The following SFMBT2 variants were observed in gnomAD, a reference collection of about 807,000 sequenced individuals.
The protein encoded by SFMBT2 is scm-like with four MBT domains protein 2.
A neutral mutation model predicts 110.1 loss-of-function variants in SFMBT2; 38 were observed. The ratio of observed to expected loss-of-function variants is 0.35; its 90% confidence interval spans 0.27 to 0.45. The LOEUF (loss-of-function observed/expected upper bound fraction) is 0.45, where lower values mean the gene tolerates loss of function less well. Ranked by LOEUF, SFMBT2 falls within the 20% of genes least tolerant of loss-of-function variation. SFMBT2 has a pLI of 1.00. For missense variants in SFMBT2, 1,011 were observed against 1,094.9 expected (o/e 0.92, Z 1.08); for synonymous variants, 425 against 425.4 (o/e 1.00, Z 0.01).
intron 4 of SFMBT2, among the ~76,000 whole-genome samples, chr10:7,297,888 T>G (rs1842448568): frequency 1.3e-5 from 2 of 152,188 alleles, no homozygotes; most frequent in South Asian, 4.1e-4. Context: ...CTGCAATCCG[T>G]GTCTGCCTCC....
At chr10:7,219,076 T>C (rs758196199) in intron 11 of SFMBT2, among the ~76,000 whole-genome samples, 1 of 152,086 alleles carries the variant, frequency 6.6e-6, no homozygotes, top group African/African-American at 2.4e-5. Flanking sequence ...CAAACAAGAG[T>C]CCAATCTTGT....
chr10:7,286,763 AT>A (rs1842103194), intron 4 of SFMBT2, among the ~76,000 whole-genome samples: 4 of 152,146 alleles, frequency 2.6e-5, no homozygotes, highest in Admixed American at 2.6e-4. Flanking sequence ...CCTGGAGCCA[AT>A]CCCCCAACAG....
At chr10:7,167,376 C>T (rs1005355266) in intron 20 of SFMBT2, among the ~76,000 whole-genome samples, 2 of 152,118 alleles carry the variant, frequency 1.3e-5, no homozygotes, top group Non-Finnish European at 2.9e-5. Context: ...ATTTTTTAAG[C>T]GGTTGCCATA....
At chr10:7,322,672 AT>A (rs1236815506) in intron 4 of SFMBT2, among the ~76,000 whole-genome samples, 1 of 152,134 alleles carries the variant, frequency 6.6e-6, no homozygotes, top group Non-Finnish European at 1.5e-5. Flanking sequence ...TAAACAGGGT[AT>A]GTTGAAATGG....
At chr10:7,409,741 G>C (rs1036286866) in intron 1 of SFMBT2, among the ~76,000 whole-genome samples, 1 of 151,844 alleles carries the variant, frequency 6.6e-6, no homozygotes, top group Non-Finnish European at 1.5e-5. Context: ...CTAAGGGGTG[G>C]AAACTTCAGC....
intron 17 of SFMBT2, among the ~76,000 whole-genome samples, chr10:7,175,662 T>C (rs1341240666): frequency 6.6e-6 from 1 of 152,202 alleles, no homozygotes; most frequent in Admixed American, 6.5e-5. Context: ...GTGATCAATT[T>C]TACTGTGCTC....
intron 1 of SFMBT2, among the ~76,000 whole-genome samples, chr10:7,403,207 C>T (rs996016174): frequency 6.6e-6 from 1 of 152,186 alleles, no homozygotes; most frequent in Non-Finnish European, 1.5e-5. Flanking sequence ...TCTAGTCTTA[C>T]CCCATTTCAA....
chr10:7,170,883 A>T lies in SFMBT2; in HGVS notation c.2544+45T>A. On this transcript the variant is annotated intron_variant, in intron 20 of 20. Coordinates refer to ENST00000397167, the MANE Select transcript of SFMBT2 (RefSeq NM_001387889.1). This position sits in a 1 kb window ranked among gnomAD's most constrained non-coding sequence, Gnocchi z 4.6. ...AGGACACGAGGTTCATTTCAGATGC[A>T]GAGTCTCAGCACATCAAACAATCGA... The T allele has an allele frequency of 3.1e-6, 5 of 1,612,222 alleles. No homozygotes were observed. Among genetic ancestry groups the T allele is most frequent in the Non-Finnish European group, 4.2e-6 (5 of 1,178,636 alleles).
intron 11 of SFMBT2, chr10:7,207,404 GGAAAGAAAGAAAGAAGGAAA>G (rs1461181572): frequency 5.9e-4 from 92 of 156,864 alleles, no homozygotes; most frequent in African/African-American, 3.1e-3. Flanking sequence ...AAGAGAGAAA[GGAAAGAAAGAAAGAAGGAAA>G]GAAAGAAAGA....
chr10:7,334,670 C>T (rs1428582201), intron 4 of SFMBT2, among the ~76,000 whole-genome samples: 3 of 152,072 alleles, frequency 2.0e-5, no homozygotes, highest in Non-Finnish European at 2.9e-5. Context: ...AAAGGATTTC[C>T]GTGGCTCTTG....
intron 1 of SFMBT2, among the ~76,000 whole-genome samples, chr10:7,402,040 G>A (rs1194471520): frequency 1.3e-5 from 2 of 151,530 alleles, no homozygotes; most frequent in African/African-American, 4.9e-5. Context: ...AGGAGACGGA[G>A]AGCTCTTGCA....
At position 7,264,592 on chromosome 10, in the gene SFMBT2, T is replaced by C. The variant is rs569465328; in HGVS notation, c.870+12300A>G. Among the ~76,000 whole-genome samples, 3 of 152,270 alleles carry C rather than the reference T, an allele frequency of 2.0e-5. No individual in the cohort carries two copies. In the South Asian group the frequency reaches 6.2e-4, roughly 32 times the overall value. On this transcript the variant is annotated intron_variant, in intron 7 of 20. Transcript: ENST00000397167. ...TGGATTGGAATTAGTGTCCTGGGCA[T>C]ATGACTCACATCAAAAACAAACTCC... is the stretch of plus-strand genomic sequence containing the variant.
At chr10:7,218,835 T>C (rs1449632372) in intron 11 of SFMBT2, among the ~76,000 whole-genome samples, 1 of 152,188 alleles carries the variant, frequency 6.6e-6, no homozygotes, top group Non-Finnish European at 1.5e-5. Context: ...TCAAGAGCAA[T>C]GGAATTGAAC....
intron 12 of SFMBT2, chr10:7,204,880 A>G: frequency 3.1e-6 from 3 of 980,862 alleles, no homozygotes; most frequent in Non-Finnish European, 3.6e-6. Context: ...TCTTTAAAAA[A>G]AAAAAAATTT....
At chr10:7,253,413 T>C (rs1031606237) in intron 7 of SFMBT2, among the ~76,000 whole-genome samples, 2 of 152,206 alleles carry the variant, frequency 1.3e-5, no homozygotes, top group Non-Finnish European at 2.9e-5. Context: ...TTTCAGACAG[T>C]GTCAGAAATG....
chr10:7,209,701 C>T (rs1839272435), intron 11 of SFMBT2, among the ~76,000 whole-genome samples: 1 of 152,182 alleles, frequency 6.6e-6, no homozygotes, highest in Non-Finnish European at 1.5e-5. Flanking sequence ...TAAAATAAAT[C>T]TGGAAGGAAA....
intron 9 of SFMBT2, among the ~76,000 whole-genome samples, chr10:7,228,693 T>TTC (rs1308669980): frequency 7.9e-6 from 1 of 126,754 alleles, no homozygotes; most frequent in South Asian, 2.7e-4. Context: ...CTTTCTTTCT[T>TTC]TCTTTCTTTC....
intron 4 of SFMBT2, chr10:7,287,253 G>A (rs1842121217): frequency 6.5e-6 from 1 of 153,254 alleles, no homozygotes; most frequent in Non-Finnish European, 1.4e-5. Flanking sequence ...CTAATTTTTT[G>A]TATTTTTAGT....
intron 1 of SFMBT2, among the ~76,000 whole-genome samples, chr10:7,409,809 G>A (rs534628928): frequency 6.6e-6 from 1 of 151,230 alleles, no homozygotes; most frequent in South Asian, 2.1e-4. Flanking sequence ...ACCTTAGCCC[G>A]CCATATTGAA....
Sources: allele counts gnomAD v4.1 joint callset (sites outside exome capture counted in the v4.1 genomes callset), GRCh38; gene constraint gnomAD v4.1.1; non-coding constraint Gnocchi (gnomAD v3.1); transcripts MANE v1.5; gene names NCBI Gene and HGNC (gene_info 2026-07-23, HGNC 2026-07-21).